RSBN1L: variants seen among roughly 807,000 people sequenced by gnomAD.
RSBN1L encodes the protein lysine-specific demethylase RSBN1L.
In RSBN1L, 30 loss-of-function variants were observed where a neutral mutation model predicts 67.7. The ratio of observed to expected loss-of-function variants is 0.44; its 90% CI spans 0.33 to 0.60. RSBN1L has a LOEUF of 0.60. Ranked by LOEUF, RSBN1L falls within the 20% of genes least tolerant of loss-of-function variation. The pLI is 0.02. For synonymous variants in RSBN1L, 433 were observed against 387.0 expected (o/e 1.12, Z -1.39); for missense variants, 992 against 1,031.7 (o/e 0.96, Z 0.53).
At chr7:77,697,348 G>A (rs1790751901) in intron 1 of RSBN1L, 1 of 311,648 alleles carries the variant, frequency 3.2e-6, no homozygotes, top group Non-Finnish European at 5.8e-6. Context: ...GACTCTCCTA[G>A]GTTTGTTTGG....
intron 1 of RSBN1L, among the ~76,000 whole-genome samples, chr7:77,707,256 TCAAGTGATC>T (rs1363136107): frequency 1.3e-5 from 2 of 152,152 alleles, no homozygotes; most frequent in African/African-American, 4.8e-5. Flanking sequence ...ATGCCCGACC[TCAAGTGATC>T]CATCTGCCTT....
chr7:77,735,872 A>G (rs147602774), intron 1 of RSBN1L, among the ~76,000 whole-genome samples: 46 of 152,270 alleles, frequency 3.0e-4, no homozygotes, highest in African/African-American at 1.0e-3. Flanking sequence ...AGATTGAGTC[A>G]TACTATTTTT....
At chr7:77,774,509 A>G (rs1446093260) in intron 6 of RSBN1L, among the ~76,000 whole-genome samples, 2 of 152,192 alleles carry the variant, frequency 1.3e-5, no homozygotes, top group Non-Finnish European at 2.9e-5. Flanking sequence ...TGGGCAGATC[A>G]TGAGGTCAGG....
At chr7:77,745,104 A>G (rs1033967447) in intron 2 of RSBN1L, among the ~76,000 whole-genome samples, 3 of 152,242 alleles carry the variant, frequency 2.0e-5, no homozygotes, top group African/African-American at 4.8e-5. Context: ...TCTACTAAAA[A>G]TACAAAATTA....
intron 6 of RSBN1L, 196 bp downstream of exon 6, chr7:77,773,510 A>C: frequency 2.7e-6 from 1 of 371,566 alleles, no homozygotes; most frequent in Admixed American, 4.3e-5. Flanking sequence ...CACACCTGTA[A>C]TCGCAGCACT....
intron 2 of RSBN1L, among the ~76,000 whole-genome samples, chr7:77,744,447 A>G (rs1161526134): frequency 6.6e-6 from 1 of 152,078 alleles, no homozygotes; most frequent in Admixed American, 6.6e-5. Context: ...TGATAACGTT[A>G]TTCAAGTGTG....
At chr7:77,707,636 T>A (rs894348831) in intron 1 of RSBN1L, among the ~76,000 whole-genome samples, 2 of 152,214 alleles carry the variant, frequency 1.3e-5, no homozygotes, top group Non-Finnish European at 2.9e-5. Context: ...ATTTTATATC[T>A]TAAAGGAGTA....
At chr7:77,733,116 A>T (rs376998375) in intron 1 of RSBN1L, among the ~76,000 whole-genome samples, 4 of 152,198 alleles carry the variant, frequency 2.6e-5, no homozygotes, top group East Asian at 3.8e-4. Context: ...CAACATAGCG[A>T]GACCCTGTCT....
In RSBN1L at chr7:77,773,091, T is replaced by A. The variant is rs1050305595; in HGVS notation, c.1626-56T>A. 29 of 928,544 alleles carry A rather than the reference T, an allele frequency of 3.1e-5. No individual in the cohort carries two copies. In the East Asian group the frequency reaches 5.9e-4, roughly 19 times the overall value. The allele number at this position is 928,544 out of a possible 1,614,324, so 57.5% of individuals were successfully genotyped here. A position where few individuals can be genotyped will look rare whatever the true frequency, so the allele number is the denominator to read the frequency against. On this transcript the variant is annotated intron_variant, in intron 5 of 7. Coordinates refer to ENST00000334955, the MANE Select transcript of RSBN1L (RefSeq NM_198467.3). ...GTCTGAATTATGTGATTATTGAATG[T>A]TTGATAGCAATTAAGTGTCACTATA...
chr7:77,716,228 C>G (rs1791046037), intron 1 of RSBN1L, among the ~76,000 whole-genome samples: 1 of 152,174 alleles, frequency 6.6e-6, no homozygotes. Context: ...TTAGGTTTCA[C>G]ATTTAGGTCC....
intron 1 of RSBN1L, among the ~76,000 whole-genome samples, chr7:77,733,877 A>G (rs1363572905): frequency 1.3e-5 from 2 of 152,262 alleles, no homozygotes; most frequent in African/African-American, 4.8e-5. Context: ...CTGTAATCCC[A>G]GCACTTTGGG....
intron 3 of RSBN1L, among the ~76,000 whole-genome samples, chr7:77,756,915 T>C (rs1188961098): frequency 1.3e-5 from 2 of 151,924 alleles, no homozygotes; most frequent in African/African-American, 4.9e-5. Flanking sequence ...AGCTGCGCAC[T>C]GCAGCCATTC....
chr7:77,768,649 A>G lies in RSBN1L; in HGVS notation c.1483-12A>G. 6.2e-7 allele frequency: 1 copy of G among 1,607,138 alleles called. No homozygotes were observed. Among genetic ancestry groups the G allele is most frequent in the Non-Finnish European group, 8.5e-7 (1 of 1,175,814 alleles). On this transcript the variant is annotated splice_polypyrimidine_tract_variant and intron_variant, in intron 4 of 7. Transcript: ENST00000334955. The stretch of plus-strand genomic sequence containing the variant: ...GAAAATAATTGCAATCTGCATAATT[A>G]TTTATCTCCAGTGTACACTGCCATG...
At chr7:77,743,672 A>G (rs897929876) in intron 2 of RSBN1L, among the ~76,000 whole-genome samples, 2 of 149,626 alleles carry the variant, frequency 1.3e-5, no homozygotes, top group East Asian at 2.0e-4. Context: ...GATATTAAAT[A>G]TACTTTCACT....
At chr7:77,765,937 T>C (rs1791760471) in intron 4 of RSBN1L, among the ~76,000 whole-genome samples, 1 of 152,212 alleles carries the variant, frequency 6.6e-6, no homozygotes, top group South Asian at 2.1e-4. Flanking sequence ...AGGTTCCATG[T>C]GTTTATCAGC....
chr7:77,734,581 C>T (rs193097097), intron 1 of RSBN1L, among the ~76,000 whole-genome samples: 24 of 152,006 alleles, frequency 1.6e-4, no homozygotes, highest in African/African-American at 5.5e-4. Flanking sequence ...CTCCACCTCC[C>T]GGGTTCAAGC....
intron 5 of RSBN1L, 63 bp from the exon 6 acceptor site, chr7:77,773,084 T>C: frequency 1.2e-6 from 1 of 847,800 alleles, no homozygotes; most frequent in South Asian, 2.4e-5. Flanking sequence ...TATGTGATTA[T>C]TGAATGTTTG....
chr7:77,739,100 A>G (rs545858614), intron 2 of RSBN1L, among the ~76,000 whole-genome samples: 32 of 152,318 alleles, frequency 2.1e-4, no homozygotes, highest in African/African-American at 7.5e-4. Context: ...TCTACGAGAA[A>G]GAATTTGCTT....
At position 77,779,162 on chromosome 7, in the gene RSBN1L, G is replaced by T. The variant is rs752100308; in HGVS notation, c.2535G>T (p.Leu845Phe). 2 of 1,576,106 alleles carry T rather than the reference G, an allele frequency of 1.3e-6. No homozygotes were observed. The highest frequency in any genetic ancestry group is 2.4e-5 in the South Asian group (2 of 84,292). ...AAGATAAAAAAGACGATGACATTTT[G>T]TGCTAAATTTGCATATACCATCTAA... The part of the protein sequence containing the change: ...SNQDKKDDDI[L>F]C Residue 845 changes from leucine to phenylalanine, a missense_variant, in exon 8 of 8, where the codon TTG (leucine) becomes TTT (phenylalanine). Leu to Phe is a conservative substitution (Grantham distance 22). Coordinates refer to ENST00000334955, the MANE Select transcript of RSBN1L (RefSeq NM_198467.3).
Sources: gnomAD v4.1 joint callset for allele counts (sites outside exome capture counted in the v4.1 genomes callset) on GRCh38, gnomAD v4.1.1 for gene constraint, MANE v1.5 for transcripts, NCBI Gene and HGNC (gene_info 2026-07-23, HGNC 2026-07-21) for gene names.